The following SEMA6D variants were observed in gnomAD, a reference collection of about 807,000 sequenced individuals.
SEMA6D encodes semaphorin 6D.
In SEMA6D, 35 loss-of-function variants were observed where a neutral mutation model predicts 106.6. The ratio of observed to expected loss-of-function variants is 0.33; its 90% CI spans 0.25 to 0.44. The LOEUF is 0.44. Ranked by LOEUF, SEMA6D falls within the 20% of genes least tolerant of loss-of-function variation. The probability of loss-of-function intolerance (pLI) is 1.00; values close to 1 mark genes in which losing one functional copy is unlikely to be tolerated. For synonymous variants in SEMA6D, 499 were observed against 487.7 expected (o/e 1.02, Z -0.31); for missense variants, 1,185 against 1,345.9 (o/e 0.88, Z 1.87).
intron 4 of SEMA6D, among the ~76,000 whole-genome samples, chr15:47,686,906 A>G (rs2078481437): frequency 6.6e-6 from 1 of 151,964 alleles, no homozygotes; most frequent in Non-Finnish European, 1.5e-5. Flanking sequence ...TCTCTATAAA[A>G]AATGAAAAAA....
intron 1 of SEMA6D, among the ~76,000 whole-genome samples, chr15:47,374,373 C>T (rs1246085202): frequency 6.6e-6 from 1 of 152,052 alleles, no homozygotes; most frequent in Non-Finnish European, 1.5e-5. Flanking sequence ...AAAATTGTGG[C>T]CAAGCTCATT....
At chr15:47,593,977 G>C (rs967757523) in intron 3 of SEMA6D, among the ~76,000 whole-genome samples, 1 of 152,086 alleles carries the variant, frequency 6.6e-6, no homozygotes, top group African/African-American at 2.4e-5. Flanking sequence ...CCAACATTGG[G>C]GATTACAATT....
At chr15:47,284,450 T>G (rs576425736) in intron 1 of SEMA6D, among the ~76,000 whole-genome samples, 1 of 152,322 alleles carries the variant, frequency 6.6e-6, no homozygotes, top group East Asian at 1.9e-4. Context: ...TTCTAGGTTT[T>G]TAAGTCCGTT....
intron 3 of SEMA6D, among the ~76,000 whole-genome samples, chr15:47,573,767 A>G (rs1017955461): frequency 2.0e-5 from 3 of 152,200 alleles, no homozygotes; most frequent in Non-Finnish European, 4.4e-5. Context: ...TGAAATTTCC[A>G]CAGGAATCAC....
intron 1 of SEMA6D, among the ~76,000 whole-genome samples, chr15:47,387,561 A>T (rs1417918000): frequency 6.6e-6 from 1 of 152,248 alleles, no homozygotes. Flanking sequence ...CACCTAGTCT[A>T]AAGGAGAAAT....
At chr15:47,400,525 TA>T (rs1340384364) in intron 1 of SEMA6D, among the ~76,000 whole-genome samples, 1 of 151,210 alleles carries the variant, frequency 6.6e-6, no homozygotes, top group Admixed American at 6.6e-5. Context: ...CACTTTTATT[TA>T]ACATTCCTTG....
intron 1 of SEMA6D, among the ~76,000 whole-genome samples, chr15:47,277,261 G>A (rs962879596): frequency 2.0e-5 from 3 of 152,094 alleles, no homozygotes; most frequent in Non-Finnish European, 4.4e-5. Context: ...CAAAGCAGTG[G>A]CAGATTTCAG....
chr15:47,283,536 G>A (rs911431460), intron 1 of SEMA6D, among the ~76,000 whole-genome samples: 4 of 151,890 alleles, frequency 2.6e-5, no homozygotes, highest in African/African-American at 9.7e-5. Flanking sequence ...AATCTCTTAC[G>A]TTGGCAGCTT....
Position 47,273,622 on chromosome 15 carries a change from A to T in SEMA6D, c.-239+89204A>T, listed in dbSNP as rs558440508. Among the ~76,000 whole-genome samples, 3 of 152,308 alleles carry T rather than the reference A, an allele frequency of 2.0e-5. No homozygotes were observed. The South Asian group carries it at 6.2e-4, about 32-fold the overall frequency. ...TATGTTAGTCCCCACATCAAATAAT[A>T]AGCCTGCTATAATTCCAAACCACTT... On this transcript the variant is annotated intron_variant, in intron 1 of 19. Transcript: ENST00000558014.
intron 2 of SEMA6D, among the ~76,000 whole-genome samples, chr15:47,427,640 A>G (rs1029561022): frequency 3.3e-5 from 5 of 152,144 alleles, no homozygotes; most frequent in African/African-American, 9.7e-5. Flanking sequence ...CCTTGGGGAT[A>G]CCATTTAAAC....
At chr15:47,521,794 C>G (rs1612378) in intron 3 of SEMA6D, among the ~76,000 whole-genome samples, 65,490 of 151,870 alleles carry the variant, frequency 0.43, 15,138 homozygotes, top group East Asian at 0.8. Context: ...GACCATCCTG[C>G]CTAACACGGT....
intron 1 of SEMA6D, among the ~76,000 whole-genome samples, chr15:47,299,718 T>A (rs1765281933): frequency 6.6e-6 from 1 of 152,186 alleles, no homozygotes. Flanking sequence ...TTGAGTAACC[T>A]ACATCCATCA....
At chr15:47,565,456 C>T (rs1468006876) in intron 3 of SEMA6D, among the ~76,000 whole-genome samples, 1 of 152,212 alleles carries the variant, frequency 6.6e-6, no homozygotes, top group Non-Finnish European at 1.5e-5. Context: ...GAGTTGAGAG[C>T]AACAGGCTGA....
intron 3 of SEMA6D, 108 bp downstream of exon 3, chr15:47,760,523 T>G: frequency 1.2e-6 from 1 of 813,320 alleles, no homozygotes; most frequent in Non-Finnish European, 1.9e-6. Flanking sequence ...GATCAAAAAT[T>G]GCAAGTAGCC....
At chr15:47,253,976 A>ATCAT (rs2033657611) in intron 1 of SEMA6D, among the ~76,000 whole-genome samples, 1 of 152,056 alleles carries the variant, frequency 6.6e-6, no homozygotes, top group African/African-American at 2.4e-5. Flanking sequence ...AATTCTTTCA[A>ATCAT]TCATTGAGCA....
intron 4 of SEMA6D, among the ~76,000 whole-genome samples, chr15:47,676,386 T>A (rs898063762): frequency 6.6e-6 from 1 of 152,188 alleles, no homozygotes; most frequent in Non-Finnish European, 1.5e-5. Context: ...TAAAGTAGAA[T>A]GAAAAGGTCT....
intron 3 of SEMA6D, among the ~76,000 whole-genome samples, chr15:47,509,774 C>A (rs1169457317): frequency 6.6e-6 from 1 of 152,150 alleles, no homozygotes; most frequent in Admixed American, 6.5e-5. Flanking sequence ...TGCCCCTGAA[C>A]TAGGAACATC....
chr15:47,381,076 G>A (rs2039625636), intron 1 of SEMA6D, among the ~76,000 whole-genome samples: 1 of 152,256 alleles, frequency 6.6e-6, no homozygotes, highest in South Asian at 2.1e-4. Flanking sequence ...CCAGGCTGAA[G>A]CTACCAGCCT....
intron 1 of SEMA6D, among the ~76,000 whole-genome samples, chr15:47,755,530 AATCTT>A (rs2081670383): frequency 1.3e-5 from 2 of 152,106 alleles, no homozygotes; most frequent in Non-Finnish European, 2.9e-5. Flanking sequence ...AAAGAAGTGT[AATCTT>A]ATCTTTTCTG....
Sources: gnomAD v4.1 joint callset for allele counts (sites outside exome capture counted in the v4.1 genomes callset) on GRCh38, gnomAD v4.1.1 for gene constraint, MANE v1.5 for transcripts, NCBI Gene and HGNC (gene_info 2026-07-23, HGNC 2026-07-21) for gene names.